The following RAC1 variants were observed in gnomAD, a reference collection of about 807,000 sequenced individuals.
The protein encoded by RAC1 is ras-related C3 botulinum toxin substrate 1.
RAC1 carries 2 observed loss-of-function variants against 25.2 expected under a neutral mutation model. That is an observed-to-expected ratio of 0.08 (90% CI 0.03 to 0.25). RAC1 has a LOEUF of 0.25. RAC1 is among the 10% of genes least tolerant of loss of function. RAC1 has a pLI of 1.00. For synonymous variants in RAC1, 88 were observed against 94.0 expected (o/e 0.94, Z 0.37); for missense variants, 50 against 235.7 (o/e 0.21, Z 5.16).
chr7:6,397,182 A>G (rs1280242287), intron 3 of RAC1, among the ~76,000 whole-genome samples: 60 of 144,968 alleles, frequency 4.1e-4, no homozygotes, highest in African/African-American at 1.3e-3. Flanking sequence ...TGGAGCTTGC[A>G]GTGAGCCGAG....
At chr7:6,390,609 AATAAT>A (rs1562466186) in intron 2 of RAC1, among the ~76,000 whole-genome samples, 7 of 143,484 alleles carry the variant, frequency 4.9e-5, no homozygotes, top group African/African-American at 1.5e-4. Flanking sequence ...AAAAAAAAAT[AATAAT>A]AATAATGATA....
chr7:6,377,047 C>G (rs982261230), intron 1 of RAC1, among the ~76,000 whole-genome samples: 1 of 151,896 alleles, frequency 6.6e-6, no homozygotes, highest in African/African-American at 2.4e-5. Flanking sequence ...GGGAGGTCAA[C>G]AAGACTAAAC....
At chr7:6,394,258 C>A (rs528696078) in intron 3 of RAC1, among the ~76,000 whole-genome samples, 3 of 152,182 alleles carry the variant, frequency 2.0e-5, no homozygotes, top group Non-Finnish European at 4.4e-5. Flanking sequence ...ATTTCTTCTT[C>A]GTTCTCCAAA....
At chr7:6,391,523 T>C in intron 2 of RAC1, 1 of 215,354 alleles carries the variant, frequency 4.6e-6, no homozygotes, top group Non-Finnish European at 9.4e-6. Flanking sequence ...GTAGCTCTAG[T>C]GGCCAGCTAG....
intron 1 of RAC1, among the ~76,000 whole-genome samples, chr7:6,381,994 C>T (rs1339261148): frequency 1.3e-5 from 2 of 151,714 alleles, no homozygotes; most frequent in Non-Finnish European, 2.9e-5. Flanking sequence ...GATCTACATA[C>T]TTTTTTTTGT....
chr7:6,391,053 C>G (rs1029664368), intron 2 of RAC1, among the ~76,000 whole-genome samples: 2 of 152,048 alleles, frequency 1.3e-5, no homozygotes, highest in African/African-American at 4.8e-5. Context: ...CCTGTCACCA[C>G]GCCCTGGCTA....
intron 1 of RAC1, among the ~76,000 whole-genome samples, chr7:6,382,257 T>C (rs1000817677): frequency 6.6e-5 from 10 of 152,156 alleles, no homozygotes; most frequent in African/African-American, 2.2e-4. Context: ...GGCCTCTTGC[T>C]GGGATTACAG....
chr7:6,392,035 G>T lies in RAC1; in HGVS notation c.219G>T (p.Pro73=), dbSNP rs770760616. ...DYDRLRPLSY[P]QTDVFLICFS... is the part of the protein sequence containing the mutation. ...ACAGATTACGCCCCCTATCCTATCC[G>T]CAAACAGTAAGGATTGCAGCTGACT... The change falls in exon 3 of 6, where the codon CCG becomes CCT. Residue 73 remains proline, a synonymous_variant. Coordinates refer to ENST00000348035, the MANE Select transcript of RAC1 (RefSeq NM_006908.5). The T allele has an allele frequency of 1.9e-6, 3 of 1,614,074 alleles. No homozygotes were observed. Among genetic ancestry groups the T allele is most frequent in the African/African-American group, 2.7e-5 (2 of 75,014 alleles).
rs34500835 is a variant in RAC1 at position 6,387,160 on chromosome 7, G to A, written c.36-52G>A. ...AAATTATTTTAACTTAATAGTGAAA[G>A]CTAAGATTACATTCATGTTGACTAA... On this transcript the variant is annotated intron_variant, in intron 1 of 5. Coordinates refer to ENST00000348035, the MANE Select transcript of RAC1 (RefSeq NM_006908.5). 2.7e-5 allele frequency: 31 copies of A among 1,148,708 alleles called. No homozygotes were observed. The Admixed American group carries it at 2.7e-4, about 10-fold the overall frequency. 71.2% of individuals were successfully genotyped at this position (1,148,708 alleles called of 1,614,324 possible).
At chr7:6,382,024 C>A (rs1009388295) in intron 1 of RAC1, among the ~76,000 whole-genome samples, 1 of 151,834 alleles carries the variant, frequency 6.6e-6, no homozygotes, top group Non-Finnish European at 1.5e-5. Context: ...CAGAGAGTCT[C>A]GCTCTGTTGC....
intron 5 of RAC1, 99 bp downstream of exon 5, chr7:6,402,126 CAG>C: frequency 2.7e-6 from 4 of 1,467,374 alleles, no homozygotes; most frequent in Non-Finnish European, 3.7e-6. Flanking sequence ...GTCTCCCACT[CAG>C]GGCCTGGTGT....
At chr7:6,381,841 G>C (rs1782774126) in intron 1 of RAC1, among the ~76,000 whole-genome samples, 1 of 152,140 alleles carries the variant, frequency 6.6e-6, no homozygotes, top group Admixed American at 6.6e-5. Flanking sequence ...AGTTAACGCA[G>C]TTATATATAA....
At chr7:6,401,047 C>T (rs1349584131) in intron 4 of RAC1, among the ~76,000 whole-genome samples, 1 of 152,148 alleles carries the variant, frequency 6.6e-6, no homozygotes, top group East Asian at 1.9e-4. Flanking sequence ...ACCTCCCCCT[C>T]CCGGTTCAAG....
intron 1 of RAC1, among the ~76,000 whole-genome samples, chr7:6,380,382 G>A (rs922093090): frequency 2.0e-5 from 3 of 151,274 alleles, no homozygotes; most frequent in African/African-American, 7.3e-5. Context: ...TACATAATGT[G>A]TGTGTGTGTG....
At chr7:6,396,762 G>T (rs1339757413) in intron 3 of RAC1, among the ~76,000 whole-genome samples, 3 of 152,154 alleles carry the variant, frequency 2.0e-5, no homozygotes, top group African/African-American at 7.2e-5. Flanking sequence ...CTGGCACGGT[G>T]GCTCACGCCT....
chr7:6,385,487 G>C (rs965214761), intron 1 of RAC1, among the ~76,000 whole-genome samples: 5 of 152,176 alleles, frequency 3.3e-5, no homozygotes, highest in Non-Finnish European at 5.9e-5. Flanking sequence ...TGACTCCAAA[G>C]CTTAGGCTCC....
chr7:6,393,444 AGGGGGTACC>A (rs1751261319), intron 3 of RAC1, among the ~76,000 whole-genome samples: 2 of 152,008 alleles, frequency 1.3e-5, no homozygotes, highest in African/African-American at 4.8e-5. Flanking sequence ...GCTGTGACTC[AGGGGGTACC>A]GGGCAGGGTG....
chr7:6,400,505 G>A (rs564313910), intron 4 of RAC1, among the ~76,000 whole-genome samples: 11 of 151,836 alleles, frequency 7.2e-5, no homozygotes, highest in Non-Finnish European at 1.2e-4. Flanking sequence ...AATCTTAAAA[G>A]AATTTTTGTA....
chr7:6,387,369 T>G (rs1285633155), intron 2 of RAC1, 86 bp downstream of exon 2: 3 of 935,942 alleles, frequency 3.2e-6, no homozygotes. Context: ...AAGCCATCTT[T>G]AATCCTCATA....
Sources: allele counts gnomAD v4.1 joint callset (sites outside exome capture counted in the v4.1 genomes callset), GRCh38; gene constraint gnomAD v4.1.1; transcripts MANE v1.5; gene names NCBI Gene and HGNC (gene_info 2026-07-23, HGNC 2026-07-21).